CACNA1C: variants seen among roughly 807,000 people sequenced by gnomAD.
CACNA1C encodes voltage-dependent L-type calcium channel subunit alpha-1C.
Under a neutral mutation model 229.0 loss-of-function variants are expected in CACNA1C, and 30 were observed. The observed-to-expected ratio is 0.13, with a 90% CI of 0.10 to 0.18. The LOEUF is 0.18. Among genes scored for constraint, CACNA1C ranks in the 10% least tolerant of loss-of-function variants. The probability of loss-of-function intolerance (pLI) is 1.00; values close to 1 mark genes in which losing one functional copy is unlikely to be tolerated. For missense variants in CACNA1C, 1,658 were observed against 2,845.0 expected, an observed-to-expected ratio of 0.58 and a Z score of 9.49; for synonymous variants, 1,114 against 1,132.5, an observed-to-expected ratio of 0.98 and a Z score of 0.33.
intron 3 of CACNA1C, among the ~76,000 whole-genome samples, chr12:2,247,663 C>A (rs2073934892): frequency 6.6e-6 from 1 of 152,174 alleles, no homozygotes; most frequent in Non-Finnish European, 1.5e-5. Flanking sequence ...CAAGATTTTG[C>A]AAAGGGACAA....
chr12:2,627,051 C>T (rs1210250172), intron 29 of CACNA1C, among the ~76,000 whole-genome samples: 1 of 152,106 alleles, frequency 6.6e-6, no homozygotes, highest in African/African-American at 2.4e-5. Context: ...GGAGAGCAGC[C>T]CCCCTCGCCT....
At chr12:2,552,184 T>G (rs1349905121) in intron 10 of CACNA1C, among the ~76,000 whole-genome samples, 1 of 152,210 alleles carries the variant, frequency 6.6e-6, no homozygotes, top group East Asian at 1.9e-4. Context: ...TGTTTATCCA[T>G]GCATTCGTTC....
At chr12:2,035,298 C>A (rs1010009938) in intron 1 of CACNA1C, among the ~76,000 whole-genome samples, 1 of 152,216 alleles carries the variant, frequency 6.6e-6, no homozygotes, top group African/African-American at 2.4e-5. Context: ...AACGAGAAAA[C>A]CATTCTTTCC....
At chr12:2,307,677 C>T (rs557435819) in intron 3 of CACNA1C, among the ~76,000 whole-genome samples, 15 of 151,570 alleles carry the variant, frequency 9.9e-5, no homozygotes, top group South Asian at 6.3e-4. Flanking sequence ...GTTCTTTCTG[C>T]GCTGCTGAAC....
chr12:2,167,111 A>G (rs945987214), intron 3 of CACNA1C, among the ~76,000 whole-genome samples: 1 of 152,252 alleles, frequency 6.6e-6, no homozygotes, highest in Non-Finnish European at 1.5e-5. Context: ...GATTGATGTT[A>G]TAGATAAAAA....
intron 3 of CACNA1C, among the ~76,000 whole-genome samples, chr12:2,432,455 C>A (rs1416965994): frequency 1.3e-5 from 2 of 152,136 alleles, no homozygotes; most frequent in Non-Finnish European, 2.9e-5. Context: ...CTCTGACTGA[C>A]CTGGGGAAAG....
chr12:2,399,168 A>T (rs1260462480), intron 3 of CACNA1C, among the ~76,000 whole-genome samples: 6 of 151,906 alleles, frequency 3.9e-5, no homozygotes, highest in Non-Finnish European at 5.9e-5. Flanking sequence ...GCAGGAATGA[A>T]CCCCATACCT....
At chr12:2,591,215 A>AT (rs1373878211) in intron 18 of CACNA1C, among the ~76,000 whole-genome samples, 19 of 150,026 alleles carry the variant, frequency 1.3e-4, no homozygotes, top group African/African-American at 2.7e-4. Context: ...TGTGCCAGGC[A>AT]TTTTTTTTTT....
intron 3 of CACNA1C, among the ~76,000 whole-genome samples, chr12:2,252,368 T>C (rs568302510): frequency 5.3e-5 from 8 of 152,304 alleles, no homozygotes; most frequent in Non-Finnish European, 1.5e-5. Flanking sequence ...AGTCAAAGGC[T>C]TCTTCACATC....
intron 3 of CACNA1C, among the ~76,000 whole-genome samples, chr12:2,160,877 A>G (rs2095819881): frequency 6.6e-6 from 1 of 152,218 alleles, no homozygotes; most frequent in South Asian, 2.1e-4. Context: ...GCGGGAGTGC[A>G]GTGGCTTGAT....
intron 3 of CACNA1C, among the ~76,000 whole-genome samples, chr12:2,136,223 AC>A (rs1336993657): frequency 8.6e-5 from 13 of 151,178 alleles, no homozygotes; most frequent in Non-Finnish European, 1.6e-4. Context: ...TGAACCCGGT[AC>A]CTCAGATGGA....
At chr12:2,162,440 C>G (rs2095925566) in intron 3 of CACNA1C, among the ~76,000 whole-genome samples, 1 of 151,846 alleles carries the variant, frequency 6.6e-6, no homozygotes, top group Admixed American at 6.6e-5. Flanking sequence ...AAATAGCAAG[C>G]AAAGTTCAGA....
intron 13 of CACNA1C, among the ~76,000 whole-genome samples, chr12:2,570,239 C>T (rs1339613780): frequency 2.6e-5 from 4 of 152,018 alleles, no homozygotes; most frequent in Non-Finnish European, 5.9e-5. Flanking sequence ...TAAAACCATC[C>T]GTTGGATTGT....
chr12:2,448,065 A>T (rs1567735425), intron 3 of CACNA1C, among the ~76,000 whole-genome samples: 3 of 152,172 alleles, frequency 2.0e-5, no homozygotes, highest in Admixed American at 2.0e-4. Flanking sequence ...TGCACTTGGG[A>T]TGGGGGTGTG....
intron 3 of CACNA1C, among the ~76,000 whole-genome samples, chr12:2,218,682 G>T (rs924512655): frequency 5.9e-5 from 9 of 152,326 alleles, no homozygotes; most frequent in African/African-American, 2.2e-4. Flanking sequence ...ATTTCACTCT[G>T]GGAAACATTT....
At position 2,486,099 on chromosome 12, in the gene CACNA1C, C is replaced by T. The variant is rs374562097; in HGVS notation, c.758-5C>T. The T allele has an allele frequency of 6.9e-6, 11 of 1,596,160 alleles. No homozygotes were observed. The highest frequency in any genetic ancestry group is 2.2e-5 in the East Asian group (1 of 44,620). On this transcript the variant is annotated splice_polypyrimidine_tract_variant and splice_region_variant and intron_variant, in intron 5 of 46. Transcript: ENST00000399655. This position sits in a 1 kb window ranked among gnomAD's most constrained non-coding sequence, Gnocchi z 4.9. ...TTGGTTCAGTGAGTGGCTCTGTCCC[C>T]GCAGGTCTCCAGGTGGTCCTGAATT...
At chr12:2,477,147 G>A (rs2099634063) in intron 5 of CACNA1C, among the ~76,000 whole-genome samples, 1 of 152,146 alleles carries the variant, frequency 6.6e-6, no homozygotes, top group African/African-American at 2.4e-5. Flanking sequence ...GATTCATCAC[G>A]TCTCCAGCTT....
chr12:2,339,362 CATGAGTGAGTG>C (rs1376710985), intron 3 of CACNA1C, among the ~76,000 whole-genome samples: 2 of 152,230 alleles, frequency 1.3e-5, no homozygotes, highest in African/African-American at 4.8e-5. Context: ...CTGTGTGAGT[CATGAGTGAGTG>C]GACATGACTG....
At position 2,303,813 on chromosome 12, in the gene CACNA1C, G is replaced by A. The variant is rs575337631; in HGVS notation, c.478-145163G>A. 7.2e-5 allele frequency among the ~76,000 whole-genome samples: 11 copies of A among 152,352 alleles called. No individual in the cohort carries two copies. In the South Asian group the frequency reaches 2.1e-3, roughly 29 times the overall value. On this transcript the variant is annotated intron_variant, in intron 3 of 46. Transcript: ENST00000399655. ...TCCAGGGGAGGCACCTCAGTCTGAT[G>A]TCCAAGGAGGCCCCCTGTGGACGGG...
Sources: gnomAD v4.1 joint callset for allele counts (sites outside exome capture counted in the v4.1 genomes callset) on GRCh38, gnomAD v4.1.1 for gene constraint, Gnocchi (gnomAD v3.1) non-coding constraint, MANE v1.5 for transcripts, NCBI Gene and HGNC (gene_info 2026-07-23, HGNC 2026-07-21) for gene names.